The following OR7A10 variants were observed in gnomAD, a reference collection of about 807,000 sequenced individuals.
OR7A10 encodes olfactory receptor family 7 subfamily A member 10.
For missense variants in OR7A10, 358 were observed against 370.1 expected (o/e 0.97, Z 0.27); for synonymous variants, 144 against 144.5 (o/e 1.00, Z 0.02).
intron 1 of OR7A10, among the ~76,000 whole-genome samples, chr19:14,843,265 A>T (rs1355530329): frequency 6.6e-6 from 1 of 152,204 alleles, no homozygotes; most frequent in African/African-American, 2.4e-5. Context: ...TGTGGAAAGC[A>T]GTTTGGTGAT....
chr19:14,846,709 C>CAAAA (rs60087409), intron 1 of OR7A10, among the ~76,000 whole-genome samples: 7 of 64,056 alleles, frequency 1.1e-4, no homozygotes, highest in Non-Finnish European at 8.1e-5. Flanking sequence ...GACTCCATCT[C>CAAAA]AAAAAAAAAA....
rs1192200647 is a variant in OR7A10, at chr19:14,841,749, C to T, written c.129G>A (p.Leu43=). 18 of 1,614,026 alleles carry T rather than the reference C, an allele frequency of 1.1e-5. No individual in the cohort carries two copies. The highest frequency in any genetic ancestry group is 6.7e-5 in the Admixed American group (4 of 60,002). ...CTGAGATTGTGGCCAGGATGATGAG[C>T]AGGTTCCCGAGCACAGTGACCAGGT... ...SMYLVTVLGN[L]LIILATISDS... Residue 43 remains leucine (L), a synonymous_variant, in exon 2 of 2, where the codon CTG becomes CTA. Coordinates refer to ENST00000641129, the MANE Select transcript of OR7A10 (RefSeq NM_001005190.2).
chr19:14,841,789 A>C lies in OR7A10; in HGVS notation c.89T>G (p.Leu30Arg). ...AGTGACCAGGTACATGGACAGGAAC[A>C]GCCCAAAGAGGAAGGCCTGCAATTC... ...EPELQAFLFGLFLSMYLVTVL... is the reference protein window; with the variant it reads ...EPELQAFLFGRFLSMYLVTVL... Residue 30 changes from leucine (L) to arginine (R), a missense_variant, in exon 2 of 2, where the codon CTG becomes CGG. Transcript: ENST00000641129. 6.2e-7 allele frequency: 1 copy of C among 1,614,122 alleles called. No homozygotes were observed. The highest frequency in any genetic ancestry group is 8.5e-7 in the Non-Finnish European group (1 of 1,180,032).
rs1457030068 is a variant in OR7A10, at chr19:14,841,078, T to C, written c.800A>G (p.Asn267Ser). The change falls in exon 2 of 2, where the codon AAT becomes AGT. Residue 267 changes from asparagine to serine, a missense_variant. By Grantham distance (46) the Asn-to-Ser change is conservative. Coordinates refer to ENST00000641129, the MANE Select transcript of OR7A10 (RefSeq NM_001005190.2). Reference sequence around the variant, plus strand: ...TGAGGCTGCAGCACCTGTGTGTGAATTGTGGGTGGCAGCAGAACTAAGGTA... The same window carrying C: ...TGAGGCTGCAGCACCTGTGTGTGAACTGTGGGTGGCAGCAGAACTAAGGTA... ...GVYLSSAATH[N>S]SHTGAAASVM... 3.1e-6 allele frequency: 5 copies of C among 1,613,882 alleles called. No individual in the cohort carries two copies. The highest frequency in any genetic ancestry group is 2.7e-5 in the African/African-American group (2 of 74,852).
Position 14,841,168 on chromosome 19 carries a change from G to A in OR7A10, c.710C>T (p.Ala237Val). The A allele has an allele frequency of 6.2e-7, 1 of 1,614,078 alleles. No individual in the cohort carries two copies. The change falls in exon 2 of 2, where the codon GCA (alanine) becomes GTA (valine). Residue 237 changes from alanine to valine, a missense_variant. Transcript: ENST00000641129. ...AISSAQGKYK[A>V]FSTCASHLSV... ...GAGGTGAGATGCACAGGTGGAAAAT[G>A]CCTTATACTTCCCCTGAGCTGATGA...
intron 1 of OR7A10, among the ~76,000 whole-genome samples, chr19:14,847,332 A>G (rs1331460105): frequency 1.3e-5 from 2 of 152,188 alleles, no homozygotes; most frequent in Admixed American, 6.5e-5. Flanking sequence ...GGCCATTAAT[A>G]TACCAGTTTT....
intron 1 of OR7A10, among the ~76,000 whole-genome samples, chr19:14,847,545 C>G (rs1404860581): frequency 6.6e-6 from 1 of 152,016 alleles, no homozygotes; most frequent in African/African-American, 2.4e-5. Flanking sequence ...GAGTCTCGCT[C>G]TGTCGCCCAG....
At position 14,841,581 on chromosome 19, in the gene OR7A10, G is replaced by A; in HGVS notation, c.297C>T (p.Thr99=). ...CAAAGAGTAAGAAAAAGCACATCTGGGTGATGCAGCCTGCATAGGTGATGA... is the reference window on the plus strand; with the variant it reads ...CAAAGAGTAAGAAAAAGCACATCTGAGTGATGCAGCCTGCATAGGTGATGA... The part of the protein sequence containing the change: ...NKVITYAGCI[T]QMCFFLLFVG... The change falls in exon 2 of 2, where the codon ACC becomes ACT. Residue 99 remains threonine, a synonymous_variant. Transcript: ENST00000641129. The A allele has an allele frequency of 6.2e-7, 1 of 1,614,152 alleles. No homozygotes were observed. Among genetic ancestry groups the A allele is most frequent in the African/African-American group, 1.3e-5 (1 of 75,022 alleles).
Position 14,841,749 on chromosome 19 carries a change from C to A in OR7A10, c.129G>T (p.Leu43=). The A allele has an allele frequency of 6.2e-7, 1 of 1,614,026 alleles. No homozygotes were observed. Among genetic ancestry groups the A allele is most frequent in the Non-Finnish European group, 8.5e-7 (1 of 1,180,024 alleles). The change falls in exon 2 of 2, where the codon CTG becomes CTT. Residue 43 remains leucine, a synonymous_variant. Transcript: ENST00000641129. ...SMYLVTVLGN[L]LIILATISDS... ...CTGAGATTGTGGCCAGGATGATGAG[C>A]AGGTTCCCGAGCACAGTGACCAGGT...
At chr19:14,848,231 G>A (rs1311497082) in intron 1 of OR7A10, among the ~76,000 whole-genome samples, 2 of 151,950 alleles carry the variant, frequency 1.3e-5, no homozygotes, top group Non-Finnish European at 2.9e-5. Flanking sequence ...GCTTTCACTG[G>A]AACTACTTTA....
At chr19:14,847,802 C>T (rs2044950205) in intron 1 of OR7A10, among the ~76,000 whole-genome samples, 1 of 151,506 alleles carries the variant, frequency 6.6e-6, no homozygotes, top group South Asian at 2.1e-4. Context: ...GCGTGAGCCA[C>T]CACGCCGGAC....
In OR7A10 at chr19:14,846,720, A is replaced by C. The variant is rs2044944635; in HGVS notation, c.-13+1780T>G. ...GCGAGACTCCATCTCAAAAAAAAAA[A>C]AAAAAGGAAAAGGAAGTAGTGTCTA... On this transcript the variant is annotated intron_variant, in intron 1 of 1. Coordinates refer to ENST00000641129, the MANE Select transcript of OR7A10 (RefSeq NM_001005190.2). 1.3e-5 allele frequency among the ~76,000 whole-genome samples: 2 copies of C among 150,146 alleles called. 1 individual carries two copies. The highest frequency in any genetic ancestry group is 4.9e-5 in the African/African-American group (2 of 41,018).
Position 14,841,224 on chromosome 19 carries a change from G to A in OR7A10, c.654C>T (p.Tyr218=), listed in dbSNP as rs758666668. 1.5e-5 allele frequency: 24 copies of A among 1,614,044 alleles called. No individual in the cohort carries two copies. Among genetic ancestry groups the A allele is most frequent in the Non-Finnish European group, 2.0e-5 (24 of 1,180,026 alleles). Residue 218 remains tyrosine (Y), a synonymous_variant, in exon 2 of 2, where the codon TAC becomes TAT. Transcript: ENST00000641129. ...CACGTATGGAGGAAACTATCTTAGA[G>A]TAAGAGTACAGGATCCCAGTGAGGG... The part of the protein sequence containing the change: ...GGPLTGILYS[Y]SKIVSSIRAI...
rs751602686 is a variant in OR7A10, at chr19:14,848,507, G to A, written c.-20C>T. 2 of 152,160 alleles carry A rather than the reference G, an allele frequency of 1.3e-5. No homozygotes were observed. The highest frequency in any genetic ancestry group is 2.4e-5 in the African/African-American group (1 of 41,430). The allele number at this position is 152,160 out of a possible 1,614,324, so 9.4% of individuals were successfully genotyped here. ...GGTACCTATTGGACTCACCCTGTTG[G>A]GTTTTCTGAAATGAAGGTCTCAATC... On this transcript the variant is annotated 5_prime_UTR_variant, in exon 1 of 2. Coordinates refer to ENST00000641129, the MANE Select transcript of OR7A10 (RefSeq NM_001005190.2).
At chr19:14,846,656 T>G (rs367708498) in intron 1 of OR7A10, among the ~76,000 whole-genome samples, 59 of 129,038 alleles carry the variant, frequency 4.6e-4, no homozygotes, top group African/African-American at 1.7e-3. Flanking sequence ...GTTGCAGTGA[T>G]CTGAGATCGC....
chr19:14,847,862 T>C (rs1380174520), intron 1 of OR7A10, among the ~76,000 whole-genome samples: 1 of 147,716 alleles, frequency 6.8e-6, no homozygotes, highest in Admixed American at 6.7e-5. Flanking sequence ...AGGTGGCTCA[T>C]GCCTGTAATC....
rs947171779 is a variant in OR7A10 at position 14,848,802 on chromosome 19, C to T, written c.-315G>A. ...CATTCAGTCCCTGTGGGACATTGCTCTTCATGGAAAGAAATTTTTTTCTTG... is the reference window on the plus strand; with the variant it reads ...CATTCAGTCCCTGTGGGACATTGCTTTTCATGGAAAGAAATTTTTTTCTTG... On this transcript the variant is annotated 5_prime_UTR_variant, in exon 1 of 2. Transcript: ENST00000641129. 1.3e-5 allele frequency: 2 copies of T among 152,168 alleles called. No homozygotes were observed. Among genetic ancestry groups the T allele is most frequent in the Non-Finnish European group, 2.9e-5 (2 of 68,018 alleles). 9.4% of individuals were successfully genotyped at this position (152,168 alleles called of 1,614,324 possible).
Position 14,841,840 on chromosome 19 carries a change from A to T in OR7A10, c.38T>A (p.Leu13His). 6.2e-7 allele frequency: 1 copy of T among 1,613,244 alleles called. No homozygotes were observed. The highest frequency in any genetic ancestry group is 8.5e-7 in the Non-Finnish European group (1 of 1,179,492). ...SWNNTIILEF[L>H]LLGISEEPEL... ...TGGTTCCTCTGAAATTCCCAGGAGA[A>T]GAAATTCTAAAATTATTGTATTGTT... Residue 13 changes from leucine (L) to histidine (H), a missense_variant, in exon 2 of 2, where the codon CTT becomes CAT. Transcript: ENST00000641129.
intron 1 of OR7A10, among the ~76,000 whole-genome samples, chr19:14,846,034 T>TC (rs1417187910): frequency 1.3e-5 from 2 of 152,116 alleles, no homozygotes; most frequent in Non-Finnish European, 2.9e-5. Flanking sequence ...GCACCTGTAA[T>TC]CCCAGCTACT....
Sources: gnomAD v4.1 joint callset for allele counts (sites outside exome capture counted in the v4.1 genomes callset) on GRCh38, gnomAD v4.1.1 for gene constraint, MANE v1.5 for transcripts, NCBI Gene and HGNC (gene_info 2026-07-23, HGNC 2026-07-21) for gene names.